Variants in IYD observed in about 807,000 individuals in gnomAD.
IYD encodes the protein iodotyrosine deiodinase 1.
Under a neutral mutation model 28.4 loss-of-function variants are expected in IYD, and 25 were observed. The ratio of observed to expected loss-of-function variants is 0.88; its 90% CI spans 0.64 to 1.23. The LOEUF (loss-of-function observed/expected upper bound fraction) is 1.23. Among genes scored for constraint, IYD ranks in the 50% most tolerant of loss-of-function variants. The pLI, the probability that IYD is intolerant of heterozygous loss-of-function variation, is 0.00. For missense variants in IYD, 352 were observed against 357.9 expected (o/e 0.98, Z 0.13); for synonymous variants, 140 against 130.8 (o/e 1.07, Z -0.48).
At chr6:150,377,535 A>T (rs1170702965) in intron 1 of IYD, among the ~76,000 whole-genome samples, 1 of 152,172 alleles carries the variant, frequency 6.6e-6, no homozygotes, top group Non-Finnish European at 1.5e-5. Context: ...GGTGATGAGG[A>T]TCATTTGTTT....
intron 1 of IYD, among the ~76,000 whole-genome samples, chr6:150,388,780 C>T (rs1398863337): frequency 6.7e-6 from 1 of 149,646 alleles, no homozygotes; most frequent in Non-Finnish European, 1.5e-5. Flanking sequence ...CGGCTCACTG[C>T]AACTTCTGCC....
intron 3 of IYD, among the ~76,000 whole-genome samples, chr6:150,393,157 A>G (rs766377930): frequency 2.0e-5 from 3 of 152,160 alleles, no homozygotes; most frequent in Non-Finnish European, 4.4e-5. Flanking sequence ...ATGTATTTTA[A>G]CTATTTTCAC....
intron 1 of IYD, among the ~76,000 whole-genome samples, chr6:150,375,610 G>A (rs1777417780): frequency 6.7e-6 from 1 of 149,504 alleles, no homozygotes; most frequent in Admixed American, 6.8e-5. Flanking sequence ...AAGGAAGTGG[G>A]TCAAAGCAGC....
At chr6:150,393,868 A>G (rs1001608559) in intron 3 of IYD, among the ~76,000 whole-genome samples, 30 of 152,258 alleles carry the variant, frequency 2.0e-4, no homozygotes, top group African/African-American at 7.2e-4. Flanking sequence ...TGTATCTTTC[A>G]GCATTTCATA....
intron 1 of IYD, among the ~76,000 whole-genome samples, chr6:150,386,614 A>G (rs6906028): frequency 0.56 from 84,799 of 151,896 alleles, 23,868 homozygotes; most frequent in African/African-American, 0.6. Context: ...TCATTACCGA[A>G]AGAGATGCAT....
intron 1 of IYD, among the ~76,000 whole-genome samples, chr6:150,376,736 C>T (rs988703970): frequency 6.6e-6 from 1 of 152,096 alleles, no homozygotes; most frequent in Admixed American, 6.5e-5. Context: ...AGCTATCCTC[C>T]CACCTCAGCC....
intron 3 of IYD, 23 bp downstream of exon 3, chr6:150,392,527 G>A: frequency 6.2e-7 from 1 of 1,612,806 alleles, no homozygotes; most frequent in Non-Finnish European, 8.5e-7. Flanking sequence ...GTGGAACTGG[G>A]GATGTTTGCC....
At chr6:150,372,326 G>T (rs1407642332) in intron 1 of IYD, among the ~76,000 whole-genome samples, 1 of 132,438 alleles carries the variant, frequency 7.6e-6, no homozygotes, top group Admixed American at 7.9e-5. Context: ...TGTGGGTGGG[G>T]TGGGGGGTGG....
chr6:150,396,527 A>G, intron 4 of IYD: 1 of 683,364 alleles, frequency 1.5e-6, no homozygotes, highest in Non-Finnish European at 2.6e-6. Context: ...ATGTCTTGAA[A>G]AGGACCAAGA....
In IYD at chr6:150,389,393, A is replaced by T. The variant is rs1261937024; in HGVS notation, c.220A>T (p.Ile74Phe). Residue 74 changes from isoleucine to phenylalanine, a missense_variant, in exon 2 of 5, where the codon ATC becomes TTC. Physicochemically the swap from Ile to Phe is conservative, Grantham distance 21. Transcript: ENST00000344419. The part of the protein sequence containing the change: ...WQESEENVEH[I>F]PFSHNHYPEK... Reference sequence around the variant, plus strand: ...AGAATCAGAAGAAAATGTTGAACACATCCCCTTCTCTCATAACCACTATCC... The same window carrying T: ...AGAATCAGAAGAAAATGTTGAACACTTCCCCTTCTCTCATAACCACTATCC... 1.2e-6 allele frequency: 2 copies of T among 1,613,880 alleles called. No individual in the cohort carries two copies. The highest frequency in any genetic ancestry group is 1.3e-5 in the African/African-American group (1 of 74,928).
chr6:150,393,183 A>G (rs1778188726), intron 3 of IYD, among the ~76,000 whole-genome samples: 1 of 152,212 alleles, frequency 6.6e-6, no homozygotes, highest in South Asian at 2.1e-4. Context: ...CAATAACCAC[A>G]GGGGGTGGGT....
intron 3 of IYD, among the ~76,000 whole-genome samples, chr6:150,393,633 A>C (rs1268421126): frequency 6.6e-6 from 1 of 152,238 alleles, no homozygotes; most frequent in Non-Finnish European, 1.5e-5. Context: ...AGGGTAATGA[A>C]ATCAAGAAAG....
chr6:150,395,289 A>C, intron 4 of IYD: 1 of 756,488 alleles, frequency 1.3e-6, no homozygotes, highest in Non-Finnish European at 2.1e-6. Context: ...CATACTTTTG[A>C]GAGACAATGG....
chr6:150,397,569 C>CAAA (rs67591922), intron 4 of IYD, among the ~76,000 whole-genome samples: 7,267 of 110,908 alleles, frequency 0.066, 373 homozygotes, highest in Middle Eastern at 0.089. Flanking sequence ...TACTTTGTCT[C>CAAA]AAAAAAAAAA....
At chr6:150,397,569 C>CAA (rs67591922) in intron 4 of IYD, among the ~76,000 whole-genome samples, 57,202 of 109,940 alleles carry the variant, frequency 0.52, 14,910 homozygotes, top group Non-Finnish European at 0.61. Flanking sequence ...TACTTTGTCT[C>CAA]AAAAAAAAAA....
chr6:150,379,686 A>G lies in IYD; in HGVS notation c.179-9666A>G, dbSNP rs555586267. Among the ~76,000 whole-genome samples the G allele has an allele frequency of 2.0e-5, 3 of 152,350 alleles. No homozygotes were observed. In the South Asian group the frequency reaches 6.2e-4, roughly 32 times the overall value. On this transcript the variant is annotated intron_variant, in intron 1 of 4. Transcript: ENST00000344419. ...ATCGGAGAAGATTAAAATTCATATCATAGAGGAAGAGAGTGAAAATTAAAC... is the reference window on the plus strand; with the variant it reads ...ATCGGAGAAGATTAAAATTCATATCGTAGAGGAAGAGAGTGAAAATTAAAC...
intron 1 of IYD, among the ~76,000 whole-genome samples, chr6:150,383,808 AC>A (rs367974697): frequency 0.56 from 78,050 of 139,120 alleles, 22,453 homozygotes; most frequent in African/African-American, 0.61. Context: ...AAAAAAAAAA[AC>A]AAAAACAAAA....
At chr6:150,376,438 G>C (rs1582772499) in intron 1 of IYD, among the ~76,000 whole-genome samples, 2 of 152,126 alleles carry the variant, frequency 1.3e-5, no homozygotes, top group East Asian at 1.9e-4. Flanking sequence ...CAGGGAAAAT[G>C]AATGGGTCCA....
At position 150,398,451 on chromosome 6, in the gene IYD, A is replaced by G. The variant is rs1778408518; in HGVS notation, c.*214A>G. 3.5e-6 allele frequency: 2 copies of G among 574,358 alleles called. No homozygotes were observed. Among genetic ancestry groups the G allele is most frequent in the East Asian group, 2.9e-5 (1 of 35,074 alleles). 35.6% of individuals were successfully genotyped at this position (574,358 alleles called of 1,614,324 possible). A position where few individuals can be genotyped will look rare whatever the true frequency, so the allele number is the denominator to read the frequency against. ...TGTTTCTTATCCACTTTGGAAATGC[A>G]TGAACACTTTACAAAGAACATGCCC... On this transcript the variant is annotated 3_prime_UTR_variant, in exon 5 of 5. Coordinates refer to ENST00000344419, the MANE Select transcript of IYD (RefSeq NM_203395.3).
Sources: gnomAD v4.1 joint callset for allele counts (sites outside exome capture counted in the v4.1 genomes callset) on GRCh38, gnomAD v4.1.1 for gene constraint, MANE v1.5 for transcripts, NCBI Gene and HGNC (gene_info 2026-07-23, HGNC 2026-07-21) for gene names.